The following EPS8 variants were observed in gnomAD, a reference collection of about 807,000 sequenced individuals.
The protein encoded by EPS8 is epidermal growth factor receptor kinase substrate 8.
EPS8 carries 42 observed loss-of-function variants against 103.8 expected under a neutral mutation model. The ratio of observed to expected loss-of-function variants is 0.40; its 90% CI spans 0.32 to 0.52. The LOEUF (loss-of-function observed/expected upper bound fraction) is 0.52, where lower values mean the gene tolerates loss of function less well. Ranked by LOEUF, EPS8 falls within the 20% of genes least tolerant of loss-of-function variation. The pLI is 0.40. For synonymous variants in EPS8, 344 were observed against 344.6 expected (o/e 1.00, Z 0.02); for missense variants, 969 against 1,005.1 (o/e 0.96, Z 0.49).
rs2135987201 is a variant in EPS8 at position 15,727,493 on chromosome 12, T to C, written c.-21-44521A>G. Among the ~76,000 whole-genome samples, 1 of 152,320 alleles carries C rather than the reference T, an allele frequency of 6.6e-6. No homozygotes were observed. The highest frequency in any genetic ancestry group is 1.5e-5 in the Non-Finnish European group (1 of 68,036). On this transcript the variant is annotated intron_variant, in intron 1 of 20. Coordinates refer to ENST00000281172, the MANE Select transcript of EPS8 (RefSeq NM_004447.6). The surrounding 1 kb of genome is among the most constrained non-coding windows in gnomAD (Gnocchi z 4.3). ...TTGGTAGATACTAATAAATTTAACT[T>C]AAGACAACTGACCCATTGCTACAAC...
intron 1 of EPS8, among the ~76,000 whole-genome samples, chr12:15,741,930 T>C (rs1199832833): frequency 1.3e-5 from 2 of 152,200 alleles, no homozygotes; most frequent in Non-Finnish European, 2.9e-5. Flanking sequence ...GTTCTCACTG[T>C]TCAGTTCCCA....
At chr12:15,638,447 G>T (rs1400179860) in intron 17 of EPS8, among the ~76,000 whole-genome samples, 2 of 152,078 alleles carry the variant, frequency 1.3e-5, no homozygotes, top group Non-Finnish European at 2.9e-5. Flanking sequence ...TTAAAAAGCA[G>T]ATTGTTTTTA....
chr12:15,632,311 T>C (rs1319147096), intron 17 of EPS8, among the ~76,000 whole-genome samples: 1 of 152,198 alleles, frequency 6.6e-6, no homozygotes, highest in African/African-American at 2.4e-5. Flanking sequence ...GAAAGGGACC[T>C]GTGGCCATTT....
chr12:15,681,371 A>AT (rs1335869214), intron 2 of EPS8, 69 bp from the exon 3 acceptor site: 1 of 619,130 alleles, frequency 1.6e-6, no homozygotes, highest in Non-Finnish European at 2.4e-6. Context: ...AAAGTCCAAT[A>AT]TAAGTAACAG....
chr12:15,671,402 T>C (rs184383578), intron 3 of EPS8, among the ~76,000 whole-genome samples: 1 of 152,206 alleles, frequency 6.6e-6, no homozygotes, highest in East Asian at 1.9e-4. Context: ...AATATCCAAA[T>C]TGGGATAGTG....
chr12:15,770,401 A>G (rs1463658747), intron 1 of EPS8, among the ~76,000 whole-genome samples: 1 of 152,102 alleles, frequency 6.6e-6, no homozygotes, highest in Non-Finnish European at 1.5e-5. Flanking sequence ...TGGTAAAAAC[A>G]ATGTGCTAAA....
chr12:15,624,066 T>C (rs1944903856), intron 19 of EPS8, among the ~76,000 whole-genome samples, 161 bp downstream of exon 19: 1 of 152,220 alleles, frequency 6.6e-6, no homozygotes, highest in South Asian at 2.1e-4. Context: ...TTTAGTTCTT[T>C]TTCAGCTATG....
rs532558975 is a variant in EPS8 at position 15,685,163 on chromosome 12, G to C, written c.-21-2191C>G. Among the ~76,000 whole-genome samples the C allele has an allele frequency of 2.6e-5, 4 of 152,282 alleles. No homozygotes were observed. In the South Asian group the frequency reaches 8.3e-4, roughly 32 times the overall value. Reference sequence around the variant, plus strand: ...TAATTTGGGCCAGAACAGAGGCCTGGAATAACATTATGGAACTAGAGATAG... The same window carrying C: ...TAATTTGGGCCAGAACAGAGGCCTGCAATAACATTATGGAACTAGAGATAG... On this transcript the variant is annotated intron_variant, in intron 1 of 20. Transcript: ENST00000281172.
rs1219672463 is a variant in EPS8 at position 15,716,132 on chromosome 12, TGA to T, written c.-21-33162_-21-33161del. Among the ~76,000 whole-genome samples the T allele has an allele frequency of 2.0e-5, 3 of 152,148 alleles. No homozygotes were observed. The highest frequency in any genetic ancestry group is 4.4e-5 in the Non-Finnish European group (3 of 68,016). ...CTAAACTTGAGAGCTGAAAGAAATC[TGA>T]GAGAGTATCCCAATTCCAATCCCTG... is the stretch of plus-strand genomic sequence containing the variant. On this transcript the variant is annotated intron_variant, in intron 1 of 20. Transcript: ENST00000281172. This position sits in a 1 kb window ranked among gnomAD's most constrained non-coding sequence, Gnocchi z 5.0.
At chr12:15,649,584 A>T (rs1159466888) in intron 14 of EPS8, among the ~76,000 whole-genome samples, 1 of 152,170 alleles carries the variant, frequency 6.6e-6, no homozygotes, top group Non-Finnish European at 1.5e-5. Context: ...AAAGACAGGC[A>T]TGGAATCCAC....
At position 15,635,871 on chromosome 12, in the gene EPS8, G is replaced by A. The variant is rs182282593; in HGVS notation, c.1822-4207C>T. On this transcript the variant is annotated intron_variant, in intron 17 of 20. Transcript: ENST00000281172. Reference sequence around the variant, plus strand: ...CTAGACAATAAAGAATATGGGAAACGTTTTGTTGAATTCACGTGACCACAG... The same window carrying A: ...CTAGACAATAAAGAATATGGGAAACATTTTGTTGAATTCACGTGACCACAG... 5.9e-5 allele frequency among the ~76,000 whole-genome samples: 9 copies of A among 152,172 alleles called. No homozygotes were observed. The East Asian group carries it at 1.5e-3, about 26-fold the overall frequency.
At position 15,747,845 on chromosome 12, in the gene EPS8, C is replaced by A. The variant is rs1420891636; in HGVS notation, c.-22+41316G>T. On this transcript the variant is annotated intron_variant, in intron 1 of 20. Transcript: ENST00000281172. This position sits in a 1 kb window ranked among gnomAD's most constrained non-coding sequence, Gnocchi z 4.4. ...ACCATCCTGGCTAACACGGTGAAAC[C>A]CCGTCTCTACTAAAAATACAAAGAA... is the stretch of plus-strand genomic sequence containing the variant. Among the ~76,000 whole-genome samples, 1 of 152,030 alleles carries A rather than the reference C, an allele frequency of 6.6e-6. No individual in the cohort carries two copies. The highest frequency in any genetic ancestry group is 1.5e-5 in the Non-Finnish European group (1 of 68,014).
intron 12 of EPS8, among the ~76,000 whole-genome samples, chr12:15,654,744 C>CT (rs1945477920): frequency 6.6e-6 from 1 of 152,080 alleles, no homozygotes; most frequent in Non-Finnish European, 1.5e-5. Context: ...CAGTCTATGG[C>CT]TGTGCCTATA....
intron 14 of EPS8, among the ~76,000 whole-genome samples, chr12:15,647,717 G>A (rs1331969314): frequency 1.3e-5 from 2 of 152,218 alleles, no homozygotes; most frequent in African/African-American, 4.8e-5. Flanking sequence ...CAGGATAAGA[G>A]AATGCTAGAG....
intron 1 of EPS8, among the ~76,000 whole-genome samples, chr12:15,754,818 G>GGA (rs1946969324): frequency 6.6e-6 from 1 of 152,212 alleles, no homozygotes; most frequent in South Asian, 2.1e-4. Flanking sequence ...GTTAGAGACA[G>GGA]GAATGTGGAC....
chr12:15,715,286 A>T (rs1397452164), intron 1 of EPS8, among the ~76,000 whole-genome samples: 2 of 151,434 alleles, frequency 1.3e-5, no homozygotes, highest in Non-Finnish European at 2.9e-5. Context: ...TTTATTTGAG[A>T]CTACATGGCA....
Position 15,732,777 on chromosome 12 carries a change from C to T in EPS8, c.-21-49805G>A, listed in dbSNP as rs116671453. The stretch of plus-strand genomic sequence containing the variant: ...CAGATTACTCATAGTTTGGAGGTTA[C>T]AGTGGCCACAGGAGAATAAAACTCT... On this transcript the variant is annotated intron_variant, in intron 1 of 20. Transcript: ENST00000281172. 1,983 of 981,710 alleles carry T rather than the reference C, an allele frequency of 2.0e-3. 29 individuals are homozygous for T. The African/African-American group carries it at 0.03, about 15-fold the overall frequency. 60.8% of individuals were successfully genotyped at this position (981,710 alleles called of 1,614,324 possible).
intron 8 of EPS8, among the ~76,000 whole-genome samples, chr12:15,663,918 C>T (rs1486788239): frequency 1.1e-4 from 1 of 9,072 alleles, no homozygotes; most frequent in African/African-American, 2.7e-4. Flanking sequence ...AACACTCCAT[C>T]TCAAAAAAAA....
intron 1 of EPS8, among the ~76,000 whole-genome samples, chr12:15,712,461 G>A (rs1946478026): frequency 6.6e-6 from 1 of 152,132 alleles, no homozygotes; most frequent in Admixed American, 6.5e-5. Flanking sequence ...TTGCATATAA[G>A]GTTAAGTTCA....
Sources: gnomAD v4.1 joint callset for allele counts (sites outside exome capture counted in the v4.1 genomes callset) on GRCh38, gnomAD v4.1.1 for gene constraint, Gnocchi (gnomAD v3.1) non-coding constraint, MANE v1.5 for transcripts, NCBI Gene and HGNC (gene_info 2026-07-23, HGNC 2026-07-21) for gene names.